The following GALNTL6 variants were observed in gnomAD, a reference collection of about 807,000 sequenced individuals.
GALNTL6 encodes the protein polypeptide N-acetylgalactosaminyltransferase like 6.
Under a neutral mutation model 73.7 loss-of-function variants are expected in GALNTL6, and 46 were observed. The ratio of observed to expected loss-of-function variants is 0.62; its 90% confidence interval spans 0.49 to 0.80. The LOEUF is 0.80. Ranked by LOEUF, GALNTL6 falls within the 30% of genes least tolerant of loss-of-function variation. GALNTL6 has a pLI of 0.00. For missense variants in GALNTL6, 604 were observed against 755.0 expected, an observed-to-expected ratio of 0.80 and a Z score of 2.34; for synonymous variants, 259 against 263.7, an observed-to-expected ratio of 0.98 and a Z score of 0.17.
At chr4:172,005,736 G>A (rs1232770615) in intron 2 of GALNTL6, among the ~76,000 whole-genome samples, 2 of 152,052 alleles carry the variant, frequency 1.3e-5, no homozygotes, top group Admixed American at 1.3e-4. Context: ...ACTTTTCCAG[G>A]AATTTTAAAC....
At chr4:172,086,614 A>G (rs755227224) in intron 2 of GALNTL6, among the ~76,000 whole-genome samples, 10 of 152,302 alleles carry the variant, frequency 6.6e-5, no homozygotes, top group South Asian at 2.1e-4. Context: ...TTATACCTCA[A>G]TAGTAACCCA....
intron 5 of GALNTL6, among the ~76,000 whole-genome samples, chr4:172,701,262 C>A (rs983574609): frequency 6.6e-6 from 1 of 152,068 alleles, no homozygotes; most frequent in African/African-American, 2.4e-5. Context: ...CAGATATTTA[C>A]ATATCTATGA....
chr4:172,494,917 C>T (rs953402802), intron 5 of GALNTL6, among the ~76,000 whole-genome samples: 1 of 152,202 alleles, frequency 6.6e-6, no homozygotes, highest in Non-Finnish European at 1.5e-5. Flanking sequence ...TTTGGCAACA[C>T]CCTCACAGAC....
chr4:172,540,433 TCTC>T (rs994480385), intron 5 of GALNTL6, among the ~76,000 whole-genome samples: 6 of 151,792 alleles, frequency 4.0e-5, no homozygotes, highest in Non-Finnish European at 7.4e-5. Flanking sequence ...AACAAAATCT[TCTC>T]CTATTAATGC....
intron 10 of GALNTL6, among the ~76,000 whole-genome samples, chr4:172,983,940 G>T (rs1296890297): frequency 2.0e-5 from 3 of 150,872 alleles, no homozygotes; most frequent in Non-Finnish European, 3.0e-5. Flanking sequence ...TTTTTTTAAG[G>T]TTAAAAACTA....
intron 5 of GALNTL6, among the ~76,000 whole-genome samples, chr4:172,774,914 C>T (rs1036005381): frequency 1.3e-5 from 2 of 151,254 alleles, no homozygotes; most frequent in Non-Finnish European, 2.9e-5. Flanking sequence ...GAGCCAAGAT[C>T]GCAGCACTGT....
intron 5 of GALNTL6, among the ~76,000 whole-genome samples, chr4:172,670,349 TG>T (rs1458528033): frequency 6.6e-6 from 1 of 152,164 alleles, no homozygotes; most frequent in African/African-American, 2.4e-5. Flanking sequence ...CCTTTCTGTT[TG>T]GTGTGAGATG....
intron 2 of GALNTL6, among the ~76,000 whole-genome samples, chr4:171,895,129 G>A (rs1044536188): frequency 2.0e-5 from 3 of 152,162 alleles, no homozygotes; most frequent in Non-Finnish European, 4.4e-5. Context: ...GCTCCAACTA[G>A]ACATCTTTAT....
In GALNTL6 at chr4:172,658,055, C is replaced by G. The variant is rs1261705847; in HGVS notation, c.554-151306C>G. On this transcript the variant is annotated intron_variant, in intron 5 of 12. Coordinates refer to ENST00000506823, the MANE Select transcript of GALNTL6 (RefSeq NM_001034845.3). ...GTCCCAGCTACTCGGGAGGCTGAGG[C>G]AGGAGAATGGCGTGAACCCGGGAGG... 1.2e-4 allele frequency among the ~76,000 whole-genome samples: 14 copies of G among 121,494 alleles called. No individual in the cohort carries two copies. The South Asian group carries it at 4.1e-3, about 36-fold the overall frequency. The allele number at this position is 121,494 out of a possible 152,430, so 79.7% of individuals were successfully genotyped here.
intron 2 of GALNTL6, among the ~76,000 whole-genome samples, chr4:171,909,653 A>T (rs1737412371): frequency 6.6e-6 from 1 of 152,190 alleles, no homozygotes; most frequent in Non-Finnish European, 1.5e-5. Flanking sequence ...TTGACTCGAA[A>T]GTTTGCCATA....
At chr4:172,675,805 A>T (rs866838980) in intron 5 of GALNTL6, among the ~76,000 whole-genome samples, 1 of 152,182 alleles carries the variant, frequency 6.6e-6, no homozygotes, top group Non-Finnish European at 1.5e-5. Flanking sequence ...TGAATAAGGA[A>T]TCACTATGCC....
Position 172,298,914 on chromosome 4 carries a change from A to G in GALNTL6, c.248-12700A>G, listed in dbSNP as rs183685371. On this transcript the variant is annotated intron_variant, in intron 3 of 12. Coordinates refer to ENST00000506823, the MANE Select transcript of GALNTL6 (RefSeq NM_001034845.3). ...GTTAGGGAGGATTCCCTCTTTTTCT[A>G]TTGATTGAAATAGTTTCAGAAGGAA... 8.7e-3 allele frequency among the ~76,000 whole-genome samples: 1,319 copies of G among 152,198 alleles called. 15 individuals are homozygous for G. Among genetic ancestry groups the G allele is most frequent in the African/African-American group, 0.03 (1,245 of 41,506 alleles).
intron 2 of GALNTL6, among the ~76,000 whole-genome samples, chr4:171,969,214 G>A (rs1443300083): frequency 1.3e-5 from 2 of 152,090 alleles, no homozygotes; most frequent in African/African-American, 2.4e-5. Flanking sequence ...TCTGGTCCTA[G>A]GTTAAACATC....
At chr4:172,199,591 A>G (rs1735889287) in intron 2 of GALNTL6, among the ~76,000 whole-genome samples, 1 of 152,206 alleles carries the variant, frequency 6.6e-6, no homozygotes, top group South Asian at 2.1e-4. Flanking sequence ...GACACAACAC[A>G]GGCATTGAAT....
chr4:172,295,814 T>C (rs1561011402), intron 3 of GALNTL6, among the ~76,000 whole-genome samples: 2 of 151,912 alleles, frequency 1.3e-5, no homozygotes, highest in Non-Finnish European at 2.9e-5. Flanking sequence ...AATATATAGA[T>C]CATCATTAGT....
At chr4:171,883,911 T>G (rs1192034203) in intron 2 of GALNTL6, among the ~76,000 whole-genome samples, 1 of 152,128 alleles carries the variant, frequency 6.6e-6, no homozygotes, top group Admixed American at 6.6e-5. Flanking sequence ...CCTCCCAAAG[T>G]GCTGGGATTA....
At chr4:172,159,944 G>T (rs1734400615) in intron 2 of GALNTL6, among the ~76,000 whole-genome samples, 1 of 152,110 alleles carries the variant, frequency 6.6e-6, no homozygotes, top group Admixed American at 6.6e-5. Context: ...GTAGAGGTTA[G>T]AAATGAACTC....
chr4:172,101,723 A>G (rs1732525773), intron 2 of GALNTL6, among the ~76,000 whole-genome samples: 4 of 152,088 alleles, frequency 2.6e-5, no homozygotes, highest in Admixed American at 2.0e-4. Context: ...AAAACAATTT[A>G]TATTAACATT....
chr4:172,987,371 A>G (rs1751334256), intron 10 of GALNTL6, among the ~76,000 whole-genome samples: 1 of 152,122 alleles, frequency 6.6e-6, no homozygotes, highest in Non-Finnish European at 1.5e-5. Context: ...AGATCACATG[A>G]GAACTCACTA....
Sources: allele counts gnomAD v4.1 joint callset (sites outside exome capture counted in the v4.1 genomes callset), GRCh38; gene constraint gnomAD v4.1.1; transcripts MANE v1.5; gene names NCBI Gene and HGNC (gene_info 2026-07-23, HGNC 2026-07-21).